PDE10A: variants seen among roughly 807,000 people sequenced by gnomAD.
PDE10A encodes phosphodiesterase 10A, also known as cAMP and cAMP-inhibited cGMP 3',5'-cyclic phosphodiesterase 10A.
PDE10A carries 39 observed loss-of-function variants against 97.7 expected under a neutral mutation model. The observed-to-expected ratio is 0.40, with a 90% CI of 0.31 to 0.52. The LOEUF is 0.52. PDE10A is among the 20% of genes least tolerant of loss of function. The pLI is 0.56. For missense variants in PDE10A, 731 were observed against 1,047.8 expected, an observed-to-expected ratio of 0.70 and a Z score of 4.17; for synonymous variants, 371 against 376.8, an observed-to-expected ratio of 0.98 and a Z score of 0.18.
intron 1 of PDE10A, among the ~76,000 whole-genome samples, chr6:165,848,422 G>A (rs1047653747): frequency 1.3e-5 from 2 of 152,170 alleles, no homozygotes; most frequent in Non-Finnish European, 2.9e-5. Flanking sequence ...CGGGCTGTTA[G>A]GGAAGGTTTT....
At chr6:165,963,402 GA>G (rs1394025381) in intron 1 of PDE10A, among the ~76,000 whole-genome samples, 1 of 152,194 alleles carries the variant, frequency 6.6e-6, no homozygotes, top group Non-Finnish European at 1.5e-5. Context: ...ATCTTTACAG[GA>G]GATGAGCTGA....
intron 1 of PDE10A, among the ~76,000 whole-genome samples, chr6:165,890,052 T>C (rs1178881573): frequency 1.7e-5 from 2 of 116,456 alleles, no homozygotes; most frequent in Non-Finnish European, 3.6e-5. Context: ...CCCTCACTCT[T>C]CACTCCTCCC....
At chr6:165,598,937 G>C (rs1786771249) in intron 1 of PDE10A, among the ~76,000 whole-genome samples, 1 of 152,120 alleles carries the variant, frequency 6.6e-6, no homozygotes. Context: ...TCTCTCTATG[G>C]AATGCTCTCT....
chr6:165,709,440 C>T (rs1394970991), intron 1 of PDE10A, among the ~76,000 whole-genome samples: 6 of 144,164 alleles, frequency 4.2e-5, no homozygotes, highest in African/African-American at 1.6e-4. Context: ...CATGCTCCCT[C>T]CCACTCCCCA....
rs770162342 is a variant in PDE10A, at chr6:165,392,665, G to T, written c.2435C>A (p.Thr812Lys). The T allele has an allele frequency of 1.2e-4, 199 of 1,613,830 alleles. No individual in the cohort carries two copies. Among genetic ancestry groups the T allele is most frequent in the Non-Finnish European group, 1.7e-4 (195 of 1,179,838 alleles). The change falls in exon 16 of 22, where the codon ACG becomes AAG. Residue 812 changes from threonine (T) to lysine (K), a missense_variant. Around this residue, in one of 8 missense-constraint regions of PDE10A, gnomAD observed 131 missense variants for 187.4 expected, o/e 0.70. Coordinates refer to ENST00000539869, the MANE Select transcript of PDE10A (RefSeq NM_001385079.1). Reference sequence around the variant, plus strand: ...ACCCACCTCAAGGTCTGTGAAAAGCGTGTGATTGTTCTGAAGTATGGCATA... The same window carrying T: ...ACCCACCTCAAGGTCTGTGAAAAGCTTGTGATTGTTCTGAAGTATGGCATA... ...CMYAILQNNH[T>K]LFTDLERKGL... is the part of the protein sequence containing the mutation.
At chr6:165,906,460 C>T (rs1782289749) in intron 1 of PDE10A, among the ~76,000 whole-genome samples, 1 of 152,084 alleles carries the variant, frequency 6.6e-6, no homozygotes, top group Non-Finnish European at 1.5e-5. Context: ...TCCTGTAGAG[C>T]ACTGTTTTTC....
At chr6:165,935,627 A>C (rs1365260081) in intron 1 of PDE10A, among the ~76,000 whole-genome samples, 4 of 152,230 alleles carry the variant, frequency 2.6e-5, no homozygotes, top group African/African-American at 9.6e-5. Context: ...GGAGAACAAA[A>C]GTAGGGTTCA....
intron 1 of PDE10A, among the ~76,000 whole-genome samples, chr6:165,761,027 T>G (rs1321644264): frequency 6.6e-6 from 1 of 152,196 alleles, no homozygotes; most frequent in Admixed American, 6.5e-5. Flanking sequence ...GGCGGAGCCT[T>G]GCGAAGTTCC....
intron 19 of PDE10A, among the ~76,000 whole-genome samples, chr6:165,342,201 A>G (rs1260734512): frequency 6.6e-6 from 1 of 152,084 alleles, no homozygotes; most frequent in African/African-American, 2.4e-5. Flanking sequence ...TATTTCTAGG[A>G]TATGTTGTTC....
At chr6:165,675,562 G>A (rs913753269) in intron 1 of PDE10A, among the ~76,000 whole-genome samples, 4 of 152,200 alleles carry the variant, frequency 2.6e-5, no homozygotes, top group African/African-American at 7.2e-5. Context: ...TGTGTGTGGA[G>A]GCCTCCAGAG....
chr6:165,466,333 T>C (rs1169890180), intron 3 of PDE10A, among the ~76,000 whole-genome samples: 3 of 152,176 alleles, frequency 2.0e-5, no homozygotes, highest in Non-Finnish European at 4.4e-5. Context: ...AAGTTTAAGA[T>C]TGCTAGTAGA....
At chr6:165,623,906 C>T (rs1278762393) in intron 1 of PDE10A, among the ~76,000 whole-genome samples, 1 of 152,216 alleles carries the variant, frequency 6.6e-6, no homozygotes, top group African/African-American at 2.4e-5. Flanking sequence ...TGGCTTCCTC[C>T]TCCTCAGTGG....
chr6:165,537,434 A>G (rs1297900190), intron 2 of PDE10A, among the ~76,000 whole-genome samples: 2 of 152,088 alleles, frequency 1.3e-5, no homozygotes, highest in African/African-American at 2.4e-5. Context: ...ACACAAAGAA[A>G]TGATAAATGT....
intron 1 of PDE10A, among the ~76,000 whole-genome samples, chr6:165,853,384 A>C (rs1488390063): frequency 6.6e-6 from 1 of 152,252 alleles, no homozygotes; most frequent in African/African-American, 2.4e-5. Flanking sequence ...GAATTAATAG[A>C]TCATCAAGAA....
At chr6:165,735,013 A>ATAGGTAGGTAGT in intron 1 of PDE10A, among the ~76,000 whole-genome samples, 1 of 131,334 alleles carries the variant, frequency 7.6e-6, no homozygotes, top group Middle Eastern at 3.8e-3. Context: ...AGGTAGGTAG[A>ATAGGTAGGTAGT]TAGGTAGGTA....
intron 2 of PDE10A, among the ~76,000 whole-genome samples, chr6:165,497,982 T>G (rs494139): frequency 0.33 from 49,431 of 152,018 alleles, 9,603 homozygotes; most frequent in African/African-American, 0.55. Context: ...AGAAACTTTA[T>G]AATTATGAAT....
At position 165,481,775 on chromosome 6, in the gene PDE10A, T is replaced by G. The variant is rs567798813; in HGVS notation, c.1023+540A>C. On this transcript the variant is annotated intron_variant, in intron 3 of 21. Coordinates refer to ENST00000539869, the MANE Select transcript of PDE10A (RefSeq NM_001385079.1). ...GCCATGAAAACAGTACCTTTAATAT[T>G]TATAAAATTTCTAAGCAATATCTTG... 1.1e-4 allele frequency among the ~76,000 whole-genome samples: 17 copies of G among 152,330 alleles called. No homozygotes were observed. In the South Asian group the frequency reaches 3.5e-3, roughly 32 times the overall value.
intron 18 of PDE10A, among the ~76,000 whole-genome samples, chr6:165,354,024 A>C (rs1782867442): frequency 6.6e-6 from 1 of 152,196 alleles, no homozygotes; most frequent in Non-Finnish European, 1.5e-5. Context: ...TGTGAATCTA[A>C]AATTGCTTTA....
At chr6:165,458,506 G>A (rs1447251052) in intron 3 of PDE10A, among the ~76,000 whole-genome samples, 1 of 152,162 alleles carries the variant, frequency 6.6e-6, no homozygotes, top group Non-Finnish European at 1.5e-5. Flanking sequence ...TTCCAGAGTT[G>A]TAATTTCTGA....
Sources: allele counts gnomAD v4.1 joint callset (sites outside exome capture counted in the v4.1 genomes callset), GRCh38; gene constraint gnomAD v4.1.1; regional missense constraint gnomAD v4.1.1; transcripts MANE v1.5; gene names NCBI Gene and HGNC (gene_info 2026-07-23, HGNC 2026-07-21).